The following RTN4RL1 variants were observed in gnomAD, a reference collection of about 807,000 sequenced individuals.
The protein encoded by RTN4RL1 is reticulon-4 receptor-like 1.
A neutral mutation model predicts 25.6 loss-of-function variants in RTN4RL1; 7 were observed. The observed-to-expected ratio is 0.27, with a 90% confidence interval of 0.16 to 0.51. The LOEUF (loss-of-function observed/expected upper bound fraction) is 0.51, where lower values mean the gene tolerates loss of function less well. Ranked by LOEUF, RTN4RL1 falls within the 20% of genes least tolerant of loss-of-function variation. The probability of loss-of-function intolerance (pLI) is 0.97; values close to 1 mark genes in which losing one functional copy is unlikely to be tolerated. For missense variants in RTN4RL1, 500 were observed against 615.6 expected, an observed-to-expected ratio of 0.81 and a Z score of 1.99; for synonymous variants, 297 against 288.2, an observed-to-expected ratio of 1.03 and a Z score of -0.31.
chr17:1,945,914 G>A (rs1915528824), intron 1 of RTN4RL1, among the ~76,000 whole-genome samples: 1 of 152,210 alleles, frequency 6.6e-6, no homozygotes, highest in African/African-American at 2.4e-5. Context: ...GGAAGCCCTA[G>A]GCCCAGGGCC....
chr17:1,951,031 TGAG>T (rs551504102), intron 1 of RTN4RL1, among the ~76,000 whole-genome samples: 330 of 151,892 alleles, frequency 2.2e-3, no homozygotes, highest in African/African-American at 7.6e-3. Flanking sequence ...TTTGGGAGGC[TGAG>T]GAGGGTGGAT....
intron 1 of RTN4RL1, among the ~76,000 whole-genome samples, chr17:1,950,705 G>A (rs1278278383): frequency 6.6e-6 from 1 of 151,608 alleles, no homozygotes; most frequent in Non-Finnish European, 1.5e-5. Context: ...AAATTAGACG[G>A]GTGTGGTGGC....
intron 1 of RTN4RL1, among the ~76,000 whole-genome samples, chr17:2,000,013 G>A (rs968354733): frequency 6.6e-6 from 1 of 152,240 alleles, no homozygotes; most frequent in African/African-American, 2.4e-5. Context: ...ATGGGTGCAG[G>A]GGCACAGGCC....
chr17:2,002,535 G>A (rs539158189), intron 1 of RTN4RL1, among the ~76,000 whole-genome samples: 7 of 150,140 alleles, frequency 4.7e-5, no homozygotes, highest in Admixed American at 6.6e-5. Flanking sequence ...CTCGTGATCC[G>A]CCCACCTCGG....
chr17:1,966,293 G>C (rs543995922), intron 1 of RTN4RL1, among the ~76,000 whole-genome samples: 1 of 152,364 alleles, frequency 6.6e-6, no homozygotes, highest in African/African-American at 2.4e-5. Flanking sequence ...GGTGTGTGTT[G>C]AGCTGTTACC....
intron 1 of RTN4RL1, among the ~76,000 whole-genome samples, chr17:1,943,434 C>G (rs978457131): frequency 6.6e-6 from 1 of 152,240 alleles, no homozygotes; most frequent in African/African-American, 2.4e-5. Flanking sequence ...CAGGGCTGGC[C>G]CCATGGCTGG....
intron 1 of RTN4RL1, among the ~76,000 whole-genome samples, chr17:1,979,210 T>C (rs1221064601): frequency 1.3e-5 from 2 of 152,116 alleles, no homozygotes; most frequent in Non-Finnish European, 2.9e-5. Context: ...AAAGCAAAGG[T>C]TGCAGTGAGC....
intron 1 of RTN4RL1, among the ~76,000 whole-genome samples, chr17:2,012,363 AG>A (rs1222881102): frequency 6.6e-6 from 1 of 152,234 alleles, no homozygotes; most frequent in Admixed American, 6.5e-5. Flanking sequence ...GGCTGCGGTG[AG>A]GCGGCCCTAA....
chr17:2,012,538 C>T (rs1327389261), intron 1 of RTN4RL1, among the ~76,000 whole-genome samples: 2 of 152,148 alleles, frequency 1.3e-5, no homozygotes, highest in African/African-American at 4.8e-5. Context: ...TCCCCATTTC[C>T]TCCTGGTTCC....
chr17:1,946,058 A>G (rs1239934171), intron 1 of RTN4RL1, among the ~76,000 whole-genome samples: 1 of 152,076 alleles, frequency 6.6e-6, no homozygotes, highest in African/African-American at 2.4e-5. Flanking sequence ...GGGTGACCAC[A>G]CGGTGAGGAG....
intron 1 of RTN4RL1, among the ~76,000 whole-genome samples, chr17:1,939,308 G>C (rs140077053): frequency 8.5e-5 from 13 of 152,052 alleles, no homozygotes; most frequent in South Asian, 2.1e-4. Flanking sequence ...AGCTGAGATC[G>C]TGCCACTGCA....
chr17:1,945,965 C>T (rs1456361363), intron 1 of RTN4RL1, among the ~76,000 whole-genome samples: 1 of 152,194 alleles, frequency 6.6e-6, no homozygotes, highest in African/African-American at 2.4e-5. Flanking sequence ...GGGCGCTTAC[C>T]CAAAGCGAGG....
chr17:1,939,325 C>T (rs1597485146), intron 1 of RTN4RL1, among the ~76,000 whole-genome samples: 1 of 151,738 alleles, frequency 6.6e-6, no homozygotes, highest in African/African-American at 2.4e-5. Flanking sequence ...TGCACTCCAG[C>T]CTGGGCGACA....
intron 1 of RTN4RL1, among the ~76,000 whole-genome samples, chr17:1,999,914 G>A (rs1281621413): frequency 6.6e-6 from 1 of 152,246 alleles, no homozygotes; most frequent in Admixed American, 6.5e-5. Context: ...AGCTGGGGCA[G>A]GCCTGTCCCC....
chr17:2,023,680 A>ACCCCCCCCCCCCCCCCCCC (rs1567536253), intron 1 of RTN4RL1: 2 of 46,470 alleles, frequency 4.3e-5, no homozygotes, highest in Admixed American at 2.2e-4. Context: ...CACCTCCCCA[A>ACCCCCCCCCCCCCCCCCCC]CCTCCCCCCC....
intron 1 of RTN4RL1, among the ~76,000 whole-genome samples, chr17:1,942,490 T>G (rs1597486683): frequency 6.6e-6 from 1 of 151,968 alleles, no homozygotes; most frequent in East Asian, 1.9e-4. Flanking sequence ...GAGGTGTGTG[T>G]GGGAAGTGGG....
At chr17:1,942,207 G>A (rs749986452) in intron 1 of RTN4RL1, among the ~76,000 whole-genome samples, 3 of 152,130 alleles carry the variant, frequency 2.0e-5, no homozygotes, top group African/African-American at 4.8e-5. Context: ...GCACGTGCTC[G>A]GCTGACTGCT....
chr17:2,005,116 CT>C (rs1159478870), intron 1 of RTN4RL1, among the ~76,000 whole-genome samples: 4 of 152,214 alleles, frequency 2.6e-5, no homozygotes. Flanking sequence ...AGCAATCCTC[CT>C]ACCTCAGCCT....
At chr17:1,999,507 T>G (rs2066946841) in intron 1 of RTN4RL1, among the ~76,000 whole-genome samples, 1 of 151,888 alleles carries the variant, frequency 6.6e-6, no homozygotes, top group African/African-American at 2.4e-5. Flanking sequence ...TCCACGTATG[T>G]GCACATGCAG....
Sources: allele counts gnomAD v4.1 joint callset (sites outside exome capture counted in the v4.1 genomes callset), GRCh38; gene constraint gnomAD v4.1.1; transcripts MANE v1.5; gene names NCBI Gene and HGNC (gene_info 2026-07-23, HGNC 2026-07-21).